Variants in CHRM3 observed in about 807,000 individuals in gnomAD.
CHRM3 encodes cholinergic receptor muscarinic 3.
CHRM3 carries 11 observed loss-of-function variants against 41.8 expected under a neutral mutation model. The observed-to-expected ratio is 0.26, with a 90% CI of 0.17 to 0.44. The LOEUF is 0.44. Ranked by LOEUF, CHRM3 falls within the 20% of genes least tolerant of loss-of-function variation. The probability of loss-of-function intolerance (pLI) is 1.00; values close to 1 mark genes in which losing one functional copy is unlikely to be tolerated. For missense variants in CHRM3, 571 were observed against 745.4 expected (o/e 0.77, Z 2.72); for synonymous variants, 297 against 301.4 (o/e 0.99, Z 0.15).
intron 4 of CHRM3, among the ~76,000 whole-genome samples, chr1:239,657,836 T>A (rs1672850298): frequency 2.0e-5 from 3 of 152,198 alleles, no homozygotes. Context: ...ACTTACTTTG[T>A]GGGCTTCATT....
At chr1:239,553,607 T>C (rs1449501151) in intron 3 of CHRM3, among the ~76,000 whole-genome samples, 1 of 152,240 alleles carries the variant, frequency 6.6e-6, no homozygotes, top group Non-Finnish European at 1.5e-5. Context: ...ATTGATTGAT[T>C]CCCTACAGTG....
intron 5 of CHRM3, among the ~76,000 whole-genome samples, chr1:239,744,795 T>A (rs1032885658): frequency 1.3e-5 from 2 of 152,090 alleles, no homozygotes; most frequent in African/African-American, 2.4e-5. Context: ...AAGTCATTGG[T>A]CCCTACTGAG....
chr1:239,895,234 AAGATGG>A (rs1198917570), intron 6 of CHRM3, among the ~76,000 whole-genome samples: 2 of 152,178 alleles, frequency 1.3e-5, no homozygotes, highest in Non-Finnish European at 2.9e-5. Context: ...TCTATGCTGA[AAGATGG>A]ATTCCACTGA....
In CHRM3 at chr1:239,505,296, GA is replaced by G. The variant is rs1488498256; in HGVS notation, c.-422+12490del. Reference sequence around the variant, plus strand: ...TGATGATGATGATGATGATGATGATGATGATGATGATTGATATGGTTTGGCT... The same window carrying G: ...TGATGATGATGATGATGATGATGATGTGATGATGATTGATATGGTTTGGCT... On this transcript the variant is annotated intron_variant, in intron 2 of 6. Transcript: ENST00000676153. 6.1e-3 allele frequency among the ~76,000 whole-genome samples: 932 copies of G among 151,846 alleles called. 12 individuals carry two copies. The highest frequency in any genetic ancestry group is 0.011 in the East Asian group (59 of 5,134).
At chr1:239,736,769 T>C (rs1664430050) in intron 5 of CHRM3, among the ~76,000 whole-genome samples, 1 of 152,174 alleles carries the variant, frequency 6.6e-6, no homozygotes, top group African/African-American at 2.4e-5. Context: ...GTTAATGTTT[T>C]GTTTTCTCAT....
intron 2 of CHRM3, among the ~76,000 whole-genome samples, chr1:239,500,710 CAAA>C (rs1319881325): frequency 2.1e-5 from 3 of 142,826 alleles, no homozygotes; most frequent in Non-Finnish European, 4.7e-5. Context: ...AAAAAAAACA[CAAA>C]CAACAACAAC....
intron 5 of CHRM3, among the ~76,000 whole-genome samples, chr1:239,793,964 C>G (rs1056961078): frequency 6.6e-6 from 1 of 151,766 alleles, no homozygotes; most frequent in Non-Finnish European, 1.5e-5. Context: ...CAGGTTCACC[C>G]CACCACACCC....
At chr1:239,763,470 C>A (rs1162681073) in intron 5 of CHRM3, among the ~76,000 whole-genome samples, 2 of 152,198 alleles carry the variant, frequency 1.3e-5, no homozygotes, top group Non-Finnish European at 2.9e-5. Context: ...AAGGAACTTT[C>A]TTTCAAGTCA....
Position 239,625,770 on chromosome 1 carries a change from T to A in CHRM3, c.-312-6454T>A, listed in dbSNP as rs1292457112. Among the ~76,000 whole-genome samples, 7 of 44,376 alleles carry A rather than the reference T, an allele frequency of 1.6e-4. 3 individuals carry two copies. The highest frequency in any genetic ancestry group is 4.1e-4 in the Admixed American group (2 of 4,916). 29.1% of individuals were successfully genotyped at this position (44,376 alleles called of 152,430 possible). A position where few individuals can be genotyped will look rare whatever the true frequency, so the allele number is the denominator to read the frequency against. On this transcript the variant is annotated intron_variant, in intron 3 of 6. Transcript: ENST00000676153. ...TCTATTGAGATAATCATGTGGTTTT[T>A]GTGTTTGGCTCTGTTTATATGCTGG... is the stretch of plus-strand genomic sequence containing the variant.
intron 1 of CHRM3, among the ~76,000 whole-genome samples, chr1:239,483,797 C>T (rs999182063): frequency 3.3e-5 from 5 of 152,102 alleles, no homozygotes; most frequent in Non-Finnish European, 7.3e-5. Flanking sequence ...GTTGGCAAAC[C>T]GCTCCTGTTT....
At position 239,678,525 on chromosome 1, in the gene CHRM3, A is replaced by G. The variant is rs549339803; in HGVS notation, c.-147+237A>G. Among the ~76,000 whole-genome samples the G allele has an allele frequency of 2.6e-5, 4 of 152,338 alleles. No individual in the cohort carries two copies. The South Asian group carries it at 8.3e-4, about 32-fold the overall frequency. On this transcript the variant is annotated intron_variant, in intron 5 of 6. Coordinates refer to ENST00000676153, the MANE Select transcript of CHRM3 (RefSeq NM_001375978.1). ...CTCAAATTAAGAATATAGCCATTCA[A>G]AGAGAGAGGAGAAAGTATACACTTA...
At chr1:239,784,443 G>A (rs1333645146) in intron 5 of CHRM3, among the ~76,000 whole-genome samples, 2 of 152,008 alleles carry the variant, frequency 1.3e-5, no homozygotes, top group East Asian at 1.9e-4. Flanking sequence ...CTTAAAGTGT[G>A]CAATACATTT....
At position 239,443,561 on chromosome 1, in the gene CHRM3, C is replaced by T. The variant is rs187909644; in HGVS notation, c.-520-49148C>T. 9.9e-5 allele frequency among the ~76,000 whole-genome samples: 15 copies of T among 152,244 alleles called. No individual in the cohort carries two copies. The East Asian group carries it at 2.9e-3, about 29-fold the overall frequency. On this transcript the variant is annotated intron_variant, in intron 1 of 6. Coordinates refer to ENST00000676153, the MANE Select transcript of CHRM3 (RefSeq NM_001375978.1). ...TGCTGCTAGGATAAGATTTTTCCGGCTGTTTAAGGTGCCTGTGACATGGAA... is the reference window on the plus strand; with the variant it reads ...TGCTGCTAGGATAAGATTTTTCCGGTTGTTTAAGGTGCCTGTGACATGGAA...
Position 239,577,662 on chromosome 1 carries a change from G to T in CHRM3, c.-313+31913G>T, listed in dbSNP as rs143080600. On this transcript the variant is annotated intron_variant, in intron 3 of 6. Coordinates refer to ENST00000676153, the MANE Select transcript of CHRM3 (RefSeq NM_001375978.1). ...AGAGTACAAATTACTTAATCATTTC[G>T]CATTGGTACCTGTTCCATTATAGAA... 2.4e-3 allele frequency among the ~76,000 whole-genome samples: 364 copies of T among 152,252 alleles called. 1 individual carries two copies. The highest frequency in any genetic ancestry group is 8.3e-3 in the African/African-American group (343 of 41,550).
intron 5 of CHRM3, among the ~76,000 whole-genome samples, chr1:239,728,342 A>G (rs892051135): frequency 2.6e-5 from 4 of 152,126 alleles, no homozygotes; most frequent in African/African-American, 9.6e-5. Context: ...TGCTTTGTAT[A>G]AGATGAAAAC....
intron 5 of CHRM3, chr1:239,719,747 C>CGTAG (rs1662749105): frequency 6.6e-6 from 1 of 151,868 alleles, no homozygotes; most frequent in Non-Finnish European, 1.5e-5. Flanking sequence ...TCTTCTTAAA[C>CGTAG]GTAGGTAGTA....
chr1:239,658,933 T>A (rs926389523), intron 4 of CHRM3, among the ~76,000 whole-genome samples: 2 of 152,088 alleles, frequency 1.3e-5, no homozygotes, highest in Non-Finnish European at 2.9e-5. Flanking sequence ...GAGACGGGTG[T>A]CACCGTGTTA....
At chr1:239,586,946 G>T (rs1663475121) in intron 3 of CHRM3, among the ~76,000 whole-genome samples, 1 of 152,298 alleles carries the variant, frequency 6.6e-6, no homozygotes, top group South Asian at 2.1e-4. Context: ...CCAAAATACA[G>T]GTCTTTTGGA....
At chr1:239,834,771 G>T (rs1416560110) in intron 6 of CHRM3, among the ~76,000 whole-genome samples, 5 of 151,974 alleles carry the variant, frequency 3.3e-5, no homozygotes, top group Non-Finnish European at 5.9e-5. Context: ...CCACCAACTA[G>T]GTTGAAAATT....
Sources: gnomAD v4.1 joint callset for allele counts (sites outside exome capture counted in the v4.1 genomes callset) on GRCh38, gnomAD v4.1.1 for gene constraint, MANE v1.5 for transcripts, NCBI Gene and HGNC (gene_info 2026-07-23, HGNC 2026-07-21) for gene names.